CNTN4: variants seen among roughly 807,000 people sequenced by gnomAD.
CNTN4 encodes the protein contactin 4.
Under a neutral mutation model 122.5 loss-of-function variants are expected in CNTN4, and 77 were observed. The ratio of observed to expected loss-of-function variants is 0.63; its 90% CI spans 0.52 to 0.76. The LOEUF (loss-of-function observed/expected upper bound fraction) is 0.76, where lower values mean the gene tolerates loss of function less well. Ranked by LOEUF, CNTN4 falls within the 30% of genes least tolerant of loss-of-function variation. The pLI, the probability that CNTN4 is intolerant of heterozygous loss-of-function variation, is 0.00. For synonymous variants in CNTN4, 512 were observed against 447.0 expected, an observed-to-expected ratio of 1.15 and a Z score of -1.83; for missense variants, 1,256 against 1,259.1, an observed-to-expected ratio of 1.00 and a Z score of 0.04.
chr3:2,827,210 C>G (rs998095050), intron 7 of CNTN4, among the ~76,000 whole-genome samples: 6 of 152,174 alleles, frequency 3.9e-5, no homozygotes, highest in Non-Finnish European at 8.8e-5. Flanking sequence ...TCTACTTTCT[C>G]TCATTACCTT....
intron 3 of CNTN4, among the ~76,000 whole-genome samples, chr3:2,379,795 C>T (rs768082322): frequency 1.2e-4 from 18 of 152,126 alleles, no homozygotes; most frequent in Non-Finnish European, 2.5e-4. Flanking sequence ...TGGCTCACGC[C>T]TGTAATCCTA....
At chr3:2,733,698 TAA>T (rs2088871362) in intron 4 of CNTN4, among the ~76,000 whole-genome samples, 1 of 152,022 alleles carries the variant, frequency 6.6e-6, no homozygotes. Context: ...CATGCCCGGC[TAA>T]TTTTTTTGAA....
At chr3:2,200,028 G>A (rs557276143) in intron 2 of CNTN4, among the ~76,000 whole-genome samples, 33 of 152,284 alleles carry the variant, frequency 2.2e-4, no homozygotes, top group Non-Finnish European at 4.0e-4. Flanking sequence ...CAATGGGACA[G>A]CATTGGAGAC....
chr3:2,463,017 C>A (rs1283548523), intron 3 of CNTN4, among the ~76,000 whole-genome samples: 1 of 151,832 alleles, frequency 6.6e-6, no homozygotes, highest in African/African-American at 2.4e-5. Context: ...CTGAGACTTA[C>A]CATATTTGAG....
At chr3:2,889,279 A>G (rs1465125929) in intron 10 of CNTN4, among the ~76,000 whole-genome samples, 1 of 152,168 alleles carries the variant, frequency 6.6e-6, no homozygotes, top group African/African-American at 2.4e-5. Flanking sequence ...TTAATACTTC[A>G]CTTGATGAGC....
chr3:2,420,620 G>C (rs1273453142), intron 3 of CNTN4, among the ~76,000 whole-genome samples: 3 of 151,862 alleles, frequency 2.0e-5, no homozygotes, highest in African/African-American at 7.3e-5. Context: ...ATTTTTAGTA[G>C]AGACACGGAT....
At chr3:2,454,776 C>T (rs1364829220) in intron 3 of CNTN4, among the ~76,000 whole-genome samples, 1 of 151,726 alleles carries the variant, frequency 6.6e-6, no homozygotes, top group African/African-American at 2.4e-5. Flanking sequence ...TAATTTGATA[C>T]TCAGTAAGTA....
At chr3:2,552,021 T>C (rs147875057) in intron 3 of CNTN4, among the ~76,000 whole-genome samples, 30 of 152,276 alleles carry the variant, frequency 2.0e-4, no homozygotes, top group African/African-American at 7.2e-4. Flanking sequence ...AAAACAAAAC[T>C]ATTTGTCTTC....
At chr3:3,050,735 C>G (rs1461315685) in intron 23 of CNTN4, among the ~76,000 whole-genome samples, 2 of 124,184 alleles carry the variant, frequency 1.6e-5, no homozygotes, top group African/African-American at 3.3e-5. Context: ...CGCACTCTAG[C>G]CTGGGCAATA....
At chr3:2,552,261 C>T (rs1045355010) in intron 3 of CNTN4, among the ~76,000 whole-genome samples, 1 of 152,016 alleles carries the variant, frequency 6.6e-6, no homozygotes, top group East Asian at 1.9e-4. Context: ...TCAGTAGAAA[C>T]CGACAGAAAA....
chr3:2,406,561 G>A (rs1405418721), intron 3 of CNTN4, among the ~76,000 whole-genome samples: 1 of 152,180 alleles, frequency 6.6e-6, no homozygotes, highest in Non-Finnish European at 1.5e-5. Context: ...GAAGCTGGGT[G>A]AAGAGTGTAT....
chr3:2,965,367 C>G (rs1362661861), intron 13 of CNTN4, among the ~76,000 whole-genome samples: 3 of 152,200 alleles, frequency 2.0e-5, no homozygotes, highest in South Asian at 2.1e-4. Flanking sequence ...TCTAGAAGCA[C>G]TTTCTCTGGT....
At position 2,655,781 on chromosome 3, in the gene CNTN4, CAGA is replaced by C. The variant is rs1456471386; in HGVS notation, c.56-80430_56-80428del. Among the ~76,000 whole-genome samples the C allele has an allele frequency of 9.2e-5, 14 of 152,144 alleles. No individual in the cohort carries two copies. In the East Asian group the frequency reaches 2.7e-3, roughly 29 times the overall value. On this transcript the variant is annotated intron_variant, in intron 4 of 24. Transcript: ENST00000418658. ...TAGTAGTAGCCTAGTGCCTCTTTGC[CAGA>C]AGATGCTAATGAAACAAACATGGAA...
At chr3:2,593,944 A>G (rs2149684091) in intron 4 of CNTN4, among the ~76,000 whole-genome samples, 1 of 152,318 alleles carries the variant, frequency 6.6e-6, no homozygotes. Context: ...GGAGCTTTGT[A>G]AGAATAACAT....
chr3:2,768,848 A>C (rs2090969065), intron 6 of CNTN4, among the ~76,000 whole-genome samples: 1 of 152,164 alleles, frequency 6.6e-6, no homozygotes, highest in African/African-American at 2.4e-5. Flanking sequence ...TATCATCATC[A>C]CCATCCCCAT....
At chr3:2,557,417 T>C (rs903636035) in intron 3 of CNTN4, among the ~76,000 whole-genome samples, 20 of 152,198 alleles carry the variant, frequency 1.3e-4, no homozygotes, top group African/African-American at 4.8e-4. Context: ...ATTCTGGCTT[T>C]ATTTTTTTCT....
At chr3:2,679,794 C>T (rs1477102754) in intron 4 of CNTN4, among the ~76,000 whole-genome samples, 2 of 152,164 alleles carry the variant, frequency 1.3e-5, no homozygotes. Flanking sequence ...ATATTGCATA[C>T]CTTTCCTTGA....
rs890369542 is a variant in CNTN4, at chr3:2,887,086, G to A, written c.802G>A (p.Ala268Thr). Reference protein sequence around the residue: ...IWRRADGKPIARKARRHKSNG... With the variant: ...IWRRADGKPITRKARRHKSNG... The stretch of plus-strand genomic sequence containing the variant: ...GCGAAGAGCTGATGGAAAGCCAATA[G>A]CAAGGAAAGCCAGAAGACACAAGTC... Residue 268 changes from alanine (A) to threonine (T), a missense_variant, in exon 10 of 25, where the codon GCA becomes ACA. Physicochemically the swap from Ala to Thr is moderately conservative, Grantham distance 58. Coordinates refer to ENST00000418658, the MANE Select transcript of CNTN4 (RefSeq NM_175607.3). 1 of 1,614,080 alleles carries A rather than the reference G, an allele frequency of 6.2e-7. No individual in the cohort carries two copies. Among genetic ancestry groups the A allele is most frequent in the Non-Finnish European group, 8.5e-7 (1 of 1,180,004 alleles).
At chr3:2,887,373 G>A in intron 10 of CNTN4, 149 bp downstream of exon 10, 1 of 716,138 alleles carries the variant, frequency 1.4e-6, no homozygotes, top group Non-Finnish European at 2.4e-6. Context: ...ATCAGCCCTG[G>A]TTGATTCTGG....
Sources: gnomAD v4.1 joint callset for allele counts (sites outside exome capture counted in the v4.1 genomes callset) on GRCh38, gnomAD v4.1.1 for gene constraint, MANE v1.5 for transcripts, NCBI Gene and HGNC (gene_info 2026-07-23, HGNC 2026-07-21) for gene names.